The following TAS2R1 variants were observed in gnomAD, a reference collection of about 807,000 sequenced individuals.
TAS2R1 encodes taste 2 receptor member 1.
For synonymous variants in TAS2R1, 141 were observed against 134.2 expected (o/e 1.05, Z -0.35); for missense variants, 370 against 353.4 (o/e 1.05, Z -0.38).
intron 1 of TAS2R1, among the ~76,000 whole-genome samples, chr5:9,702,838 T>G (rs1579791688): frequency 6.8e-6 from 1 of 147,974 alleles, no homozygotes; most frequent in Non-Finnish European, 1.5e-5. Context: ...GCATTGGGGG[T>G]GGGGGTGTCA....
the TAS2R1 span, among the ~76,000 whole-genome samples, chr5:9,892,385 G>A: frequency 2.6e-5 from 4 of 152,122 alleles, no homozygotes; most frequent in African/African-American, 4.8e-5. Flanking sequence ...AAGTTCCTGG[G>A]GGTTATCATG....
the TAS2R1 span, among the ~76,000 whole-genome samples, chr5:9,753,749 T>G: frequency 1.3e-5 from 2 of 152,212 alleles, no homozygotes; most frequent in Non-Finnish European, 2.9e-5. Flanking sequence ...GGGATCCAGT[T>G]TCAGCTTTCT....
chr5:9,717,099 C>A (rs1033642450), upstream of TAS2R1, among the ~76,000 whole-genome samples: 31 of 152,070 alleles, frequency 2.0e-4, no homozygotes, highest in African/African-American at 6.8e-4. Flanking sequence ...ACAGAGGGAG[C>A]AGAGGGCCAC....
At chr5:9,684,368 A>G (rs1416663455) in intron 1 of TAS2R1, among the ~76,000 whole-genome samples, 1 of 152,232 alleles carries the variant, frequency 6.6e-6, no homozygotes, top group African/African-American at 2.4e-5. Context: ...GAAGTAGAGT[A>G]GAATTGTGGT....
rs1176402895 is a variant in TAS2R1, at chr5:9,627,903, T to C, written c.*1230A>G. Among the ~76,000 whole-genome samples, 1 of 152,168 alleles carries C rather than the reference T, an allele frequency of 6.6e-6. No homozygotes were observed. Among genetic ancestry groups the C allele is most frequent in the Non-Finnish European group, 1.5e-5 (1 of 68,042 alleles). On this transcript the variant is annotated 3_prime_UTR_variant, in exon 1 of 1. Coordinates refer to ENST00000382492, the MANE Select transcript of TAS2R1 (RefSeq NM_019599.3). ...GAATCTCCTGAAGCAAAATCCTTCATTGGTGTATTATAACCAGGCCTGCGT... is the reference window on the plus strand; with the variant it reads ...GAATCTCCTGAAGCAAAATCCTTCACTGGTGTATTATAACCAGGCCTGCGT...
rs982819593 is a variant in TAS2R1 at position 9,689,634 on chromosome 5, G to C, written c.-242+22538C>G. Among the ~76,000 whole-genome samples the C allele has an allele frequency of 2.6e-5, 4 of 152,094 alleles. No homozygotes were observed. In the South Asian group the frequency reaches 8.3e-4, roughly 32 times the overall value. On this transcript the variant is annotated intron_variant, in intron 1 of 2. Transcript: ENST00000506620. ...ACAATGTAATACATTTTTCAGGCTT[G>C]AGAGTCTTTTGTTTGTTACTCTATC...
chr5:9,831,943 G>C, the TAS2R1 span, among the ~76,000 whole-genome samples: 1 of 152,164 alleles, frequency 6.6e-6, no homozygotes, highest in Non-Finnish European at 1.5e-5. Flanking sequence ...GTTTAACTCT[G>C]ACAATTTCGC....
At chr5:9,866,940 T>C in the TAS2R1 span, among the ~76,000 whole-genome samples, 2 of 152,228 alleles carry the variant, frequency 1.3e-5, no homozygotes, top group African/African-American at 4.8e-5. Flanking sequence ...GTATGTTCTA[T>C]ATTTTCTCAT....
chr5:9,882,074 C>A, the TAS2R1 span, among the ~76,000 whole-genome samples: 1 of 152,104 alleles, frequency 6.6e-6, no homozygotes, highest in African/African-American at 2.4e-5. Flanking sequence ...AACAGACAAC[C>A]TACAGAATGG....
the TAS2R1 span, among the ~76,000 whole-genome samples, chr5:9,754,266 T>C: frequency 6.6e-6 from 1 of 152,230 alleles, no homozygotes; most frequent in East Asian, 1.9e-4. Flanking sequence ...CTCAAAATAA[T>C]AAGAGCTATC....
the TAS2R1 span, among the ~76,000 whole-genome samples, chr5:9,745,466 A>C: frequency 0.072 from 11,003 of 151,944 alleles, 1,038 homozygotes; most frequent in East Asian, 0.28. Flanking sequence ...CCAAGACAAT[A>C]CTAGGCAAAA....
the TAS2R1 span, among the ~76,000 whole-genome samples, chr5:9,895,969 A>G: frequency 6.6e-6 from 1 of 152,248 alleles, no homozygotes; most frequent in African/African-American, 2.4e-5. Context: ...ATGGGTCTTT[A>G]CTGGTGAAAA....
At chr5:9,781,935 G>T in the TAS2R1 span, among the ~76,000 whole-genome samples, 6 of 152,262 alleles carry the variant, frequency 3.9e-5, no homozygotes, top group African/African-American at 1.4e-4. Context: ...TACATTTATT[G>T]TCTGGTCTTT....
At chr5:9,701,785 A>G (rs1741489391) in intron 1 of TAS2R1, among the ~76,000 whole-genome samples, 1 of 152,228 alleles carries the variant, frequency 6.6e-6, no homozygotes, top group African/African-American at 2.4e-5. Flanking sequence ...TCCCAAATCA[A>G]GTTTACACAC....
chr5:9,690,355 A>T (rs1579785170), intron 1 of TAS2R1, among the ~76,000 whole-genome samples: 1 of 152,278 alleles, frequency 6.6e-6, no homozygotes, highest in East Asian at 1.9e-4. Context: ...TAGAATATCC[A>T]TGTCTATGAT....
intron 1 of TAS2R1, among the ~76,000 whole-genome samples, chr5:9,669,750 A>C (rs1740712881): frequency 6.6e-6 from 1 of 152,202 alleles, no homozygotes; most frequent in African/African-American, 2.4e-5. Flanking sequence ...TCTCTGGGAC[A>C]CAGCTAAAAC....
chr5:9,831,624 T>TTTTC, the TAS2R1 span, among the ~76,000 whole-genome samples: 10 of 152,070 alleles, frequency 6.6e-5, no homozygotes, highest in South Asian at 1.9e-3. Flanking sequence ...TGTTTCTGTT[T>TTTTC]TTTTTTCAAA....
At chr5:9,840,200 G>A in the TAS2R1 span, among the ~76,000 whole-genome samples, 1 of 152,162 alleles carries the variant, frequency 6.6e-6, no homozygotes, top group African/African-American at 2.4e-5. Context: ...GTCTGCACAA[G>A]TGAGATATTC....
the TAS2R1 span, among the ~76,000 whole-genome samples, chr5:9,769,407 G>T: frequency 6.6e-6 from 1 of 152,070 alleles, no homozygotes; most frequent in Non-Finnish European, 1.5e-5. Context: ...TTTATATACT[G>T]ATTTCTTTGG....
Sources: gnomAD v4.1 joint callset for allele counts (sites outside exome capture counted in the v4.1 genomes callset) on GRCh38, gnomAD v4.1.1 for gene constraint, MANE v1.5 for transcripts, NCBI Gene and HGNC (gene_info 2026-07-23, HGNC 2026-07-21) for gene names.